The following ZFP92 variants were observed in gnomAD, a reference collection of about 807,000 sequenced individuals.
ZFP92 encodes the protein ZFP92 zinc finger protein.
In ZFP92, 2 loss-of-function variants were observed where a neutral mutation model predicts 7.6. The observed-to-expected ratio is 0.26, with a 90% CI of 0.11 to 0.83. The LOEUF (loss-of-function observed/expected upper bound fraction) is 0.83, where lower values mean the gene tolerates loss of function less well. Ranked by LOEUF, ZFP92 falls within the 40% of genes least tolerant of loss-of-function variation. The pLI, the probability that ZFP92 is intolerant of heterozygous loss-of-function variation, is 0.65. For missense variants in ZFP92, 324 were observed against 408.3 expected, an observed-to-expected ratio of 0.79 and a Z score of 1.78; for synonymous variants, 226 against 183.6, an observed-to-expected ratio of 1.23 and a Z score of -1.87.
At chrX:153,418,240 C>G in intron 2 of ZFP92, 65 bp from the exon 3 acceptor site, 1 of 1,118,308 alleles carries the variant, frequency 8.9e-7, no homozygotes, top group Non-Finnish European at 1.2e-6. Flanking sequence ...GGTCTTCAAG[C>G]AGGTCGCAGA....
At chrX:153,417,507 T>C (rs1556973996) in intron 2 of ZFP92, among the ~76,000 whole-genome samples, 2 of 111,589 alleles carry the variant, frequency 1.8e-5, no homozygotes, top group Non-Finnish European at 3.8e-5. Flanking sequence ...GCATTTGGAG[T>C]TTCCTTAAGA....
At chrX:153,420,051 G>A (rs1038921787) in intron 4 of ZFP92, among the ~76,000 whole-genome samples, 177 bp from the exon 5 acceptor site, 81 of 112,556 alleles carry the variant, frequency 7.2e-4, no homozygotes, top group African/African-American at 1.7e-3. Flanking sequence ...GGCCCTGGAC[G>A]CGCAGGAGCC....
chrX:153,416,738 C>G (rs2088954859), intron 2 of ZFP92, among the ~76,000 whole-genome samples: 2 of 111,878 alleles, frequency 1.8e-5, no homozygotes, highest in South Asian at 7.5e-4. Context: ...ACAGGAATAC[C>G]AGAGGCTGGG....
chrX:153,425,110 GCTGGGC>G lies in ZFP92; in HGVS notation c.*3487_*3492del, dbSNP rs1279086644. 8.9e-6 allele frequency: 1 copy of G among 112,593 alleles called. No individual in the cohort carries two copies. Among genetic ancestry groups the G allele is most frequent in the Admixed American group, 9.4e-5 (1 of 10,682 alleles). 9.3% of individuals were successfully genotyped at this position (112,593 alleles called of 1,213,427 possible). On this transcript the variant is annotated 3_prime_UTR_variant, in exon 6 of 6. Transcript: ENST00000338647. ...GACTCTGAGACCAGAGGGAAGGGAG[GCTGGGC>G]CTGGTCCCCTGTGTTCCTCAGCAAA...
Position 153,420,070 on chromosome X carries a change from C to G in ZFP92, c.161-158C>G, listed in dbSNP as rs1209823862. 2.7e-5 allele frequency among the ~76,000 whole-genome samples: 3 copies of G among 112,586 alleles called. No individual in the cohort carries two copies. In the Admixed American group the frequency reaches 2.8e-4, roughly 11 times the overall value. ...CTGGACGCGCAGGAGCCCTTGCCCT[C>G]GTAGAGGGACTTGGCCCTTTCTCTG... On this transcript the variant is annotated intron_variant, in intron 4 of 5. Coordinates refer to ENST00000338647, the MANE Select transcript of ZFP92 (RefSeq NM_001136273.2).
intron 2 of ZFP92, among the ~76,000 whole-genome samples, chrX:153,415,030 G>A (rs782671533): frequency 1.2e-4 from 14 of 113,201 alleles, no homozygotes; most frequent in Admixed American, 2.8e-4. Context: ...CAGCAGAGGC[G>A]GGTGGCTAGG....
At position 153,421,835 on chromosome X, in the gene ZFP92, G is replaced by A; in HGVS notation, c.*207G>A. 1 of 416,049 alleles carries A rather than the reference G, an allele frequency of 2.4e-6. No individual in the cohort carries two copies. Among genetic ancestry groups the A allele is most frequent in the Non-Finnish European group, 3.4e-6 (1 of 298,172 alleles). The allele number at this position is 416,049 out of a possible 1,213,427, so 34.3% of individuals were successfully genotyped here. Reference sequence around the variant, plus strand: ...CAGGAAGGACTCAGAACCGAGGACTGCCGCCTGCCCTGGCTCCTCCATCAA... The same window carrying A: ...CAGGAAGGACTCAGAACCGAGGACTACCGCCTGCCCTGGCTCCTCCATCAA... On this transcript the variant is annotated 3_prime_UTR_variant, in exon 6 of 6. Transcript: ENST00000338647.
rs1556973034 is a variant in ZFP92, at chrX:153,411,891, G to GCA, written c.-67-74_-67-73insCA. The stretch of plus-strand genomic sequence containing the variant: ...GCCGCCCCGTACCAGGGGCGCCAGG[G>GCA]GAAGAGCCATCCAGGGCTGGGCGCT... On this transcript the variant is annotated intron_variant, in intron 1 of 5. Transcript: ENST00000338647. Among the ~76,000 whole-genome samples the GCA allele has an allele frequency of 7.0e-3, 783 of 111,749 alleles. 8 individuals carry two copies. Among genetic ancestry groups the GCA allele is most frequent in the African/African-American group, 0.024 (745 of 30,805 alleles).
intron 1 of ZFP92, among the ~76,000 whole-genome samples, 37 bp from the exon 2 acceptor site, chrX:153,411,928 C>T (rs1397917440): frequency 8.9e-6 from 1 of 112,737 alleles, no homozygotes; most frequent in Non-Finnish European, 1.9e-5. Context: ...GGAGCTGCGG[C>T]CCGTGTCTGT....
intron 2 of ZFP92, among the ~76,000 whole-genome samples, 137 bp downstream of exon 2, chrX:153,412,150 G>C (rs1209744129): frequency 8.9e-6 from 1 of 112,785 alleles, no homozygotes; most frequent in Non-Finnish European, 1.9e-5. Context: ...GCTCCAGAGG[G>C]TATCAGGTGG....
At chrX:153,418,616 C>A in intron 3 of ZFP92, 57 bp from the exon 4 acceptor site, 2 of 1,153,360 alleles carry the variant, frequency 1.7e-6, no homozygotes, top group Non-Finnish European at 2.3e-6. Flanking sequence ...TCTGTCAGCT[C>A]CTCCAGGGGC....
In ZFP92 at chrX:153,421,072, G is replaced by A; in HGVS notation, c.695G>A (p.Gly232Asp). Residue 232 changes from glycine to aspartate, a missense_variant, in exon 6 of 6, where the codon GGC becomes GAC. Coordinates refer to ENST00000338647, the MANE Select transcript of ZFP92 (RefSeq NM_001136273.2). ...NLIKHQVIHSGERPFACGDCG... is the reference protein window; with the variant it reads ...NLIKHQVIHSDERPFACGDCG... ...ATCAAGCACCAGGTCATCCACAGCG[G>A]CGAGCGGCCCTTCGCCTGCGGCGAC... is the stretch of plus-strand genomic sequence containing the variant. The A allele has an allele frequency of 8.4e-7, 1 of 1,188,139 alleles. No homozygotes were observed. The highest frequency in any genetic ancestry group is 1.8e-5 in the South Asian group (1 of 54,377).
Position 153,420,797 on chromosome X carries a change from G to C in ZFP92, c.420G>C (p.Ala140=). 11 of 1,168,834 alleles carry C rather than the reference G, an allele frequency of 9.4e-6. No homozygotes were observed. The highest frequency in any genetic ancestry group is 1.3e-5 in the Non-Finnish European group (11 of 873,360). Residue 140 remains alanine, a synonymous_variant, in exon 6 of 6, where the codon GCG becomes GCC. Coordinates refer to ENST00000338647, the MANE Select transcript of ZFP92 (RefSeq NM_001136273.2). ...AGGGCTTGGGGCAGAGTTCGGCTGC[G>C]GGGCCGCAGGGCCCCAAAGGCGCGG... ...GAQGLGQSSA[A]GPQGPKGAEK...
chrX:153,411,807 G>A (rs1343872319), intron 1 of ZFP92, among the ~76,000 whole-genome samples, 104 bp downstream of exon 1: 1 of 112,411 alleles, frequency 8.9e-6, no homozygotes, highest in African/African-American at 3.2e-5. Flanking sequence ...CGGCGGCGGC[G>A]ACAAGCAGGG....
chrX:153,415,921 A>G (rs552153439), intron 2 of ZFP92, among the ~76,000 whole-genome samples: 2 of 110,861 alleles, frequency 1.8e-5, no homozygotes, highest in African/African-American at 6.6e-5. Context: ...CCCTCTCCCA[A>G]TGATCCCTAA....
At position 153,421,612 on chromosome X, in the gene ZFP92, G is replaced by C; in HGVS notation, c.1235G>C (p.Arg412Thr). The C allele has an allele frequency of 1.0e-6, 1 of 994,737 alleles. No homozygotes were observed. Among genetic ancestry groups the C allele is most frequent in the Non-Finnish European group, 1.3e-6 (1 of 792,080 alleles). 82.0% of individuals were successfully genotyped at this position (994,737 alleles called of 1,213,427 possible). A position where few individuals can be genotyped will look rare whatever the true frequency, so the allele number is the denominator to read the frequency against. ...CCGAGCACAGCCGCCAGGCCTTCCAGGCCCAGCCGCCGCTGACTCCCCGCC... is the reference window on the plus strand; with the variant it reads ...CCGAGCACAGCCGCCAGGCCTTCCACGCCCAGCCGCCGCTGACTCCCCGCC... The part of the protein sequence containing the change: ...PRPSTAARPS[R>T]PSRR The change falls in exon 6 of 6, where the codon AGG becomes ACG. Residue 412 changes from arginine to threonine, a missense_variant. Coordinates refer to ENST00000338647, the MANE Select transcript of ZFP92 (RefSeq NM_001136273.2).
chrX:153,417,691 G>C (rs2088964322), intron 2 of ZFP92, among the ~76,000 whole-genome samples: 1 of 112,055 alleles, frequency 8.9e-6, no homozygotes, highest in Non-Finnish European at 1.9e-5. Context: ...CGCCAGTATG[G>C]AAGTGGGCAT....
At chrX:153,418,532 C>A in intron 3 of ZFP92, 141 bp from the exon 4 acceptor site, 2 of 988,518 alleles carry the variant, frequency 2.0e-6, no homozygotes, top group Non-Finnish European at 2.7e-6. Flanking sequence ...GTTTTTCTGT[C>A]TTACAACTCG....
chrX:153,413,759 C>A (rs1280606603), intron 2 of ZFP92, among the ~76,000 whole-genome samples: 2 of 112,163 alleles, frequency 1.8e-5, no homozygotes, highest in Admixed American at 1.9e-4. Flanking sequence ...CGGAGTAGTG[C>A]CCACCTGGGT....
Sources: allele counts gnomAD v4.1 joint callset (sites outside exome capture counted in the v4.1 genomes callset), GRCh38; gene constraint gnomAD v4.1.1; transcripts MANE v1.5; gene names NCBI Gene and HGNC (gene_info 2026-07-23, HGNC 2026-07-21).